The following EDIL3 variants were observed in gnomAD, a reference collection of about 807,000 sequenced individuals.
EDIL3 encodes EGF-like repeat and discoidin I-like domain-containing protein 3.
Under a neutral mutation model 67.4 loss-of-function variants are expected in EDIL3, and 37 were observed. The observed-to-expected ratio is 0.55, with a 90% CI of 0.42 to 0.72. The LOEUF (loss-of-function observed/expected upper bound fraction) is 0.72. Ranked by LOEUF, EDIL3 falls within the 30% of genes least tolerant of loss-of-function variation. EDIL3 has a pLI of 0.00. For synonymous variants in EDIL3, 195 were observed against 196.3 expected, an observed-to-expected ratio of 0.99 and a Z score of 0.05; for missense variants, 527 against 586.3, an observed-to-expected ratio of 0.90 and a Z score of 1.04.
Position 83,942,179 on chromosome 5 carries a change from CAAT to C in EDIL3, c.*1237_*1239del, listed in dbSNP as rs1281239494. ...GACATGTCAATGAAACCTCCAGTATCAATAACAAATTGTTATGATAATTGCTTA... is the reference window on the plus strand; with the variant it reads ...GACATGTCAATGAAACCTCCAGTATCAACAAATTGTTATGATAATTGCTTA... On this transcript the variant is annotated 3_prime_UTR_variant, in exon 11 of 11. Transcript: ENST00000296591. The C allele has an allele frequency of 6.6e-5, 10 of 151,974 alleles. No individual in the cohort carries two copies. Among genetic ancestry groups the C allele is most frequent in the African/African-American group, 2.4e-4 (10 of 41,422 alleles). 9.4% of individuals were successfully genotyped at this position (151,974 alleles called of 1,614,324 possible).
At chr5:84,372,935 C>A (rs1272599919) in intron 1 of EDIL3, among the ~76,000 whole-genome samples, 1 of 152,098 alleles carries the variant, frequency 6.6e-6, no homozygotes, top group Non-Finnish European at 1.5e-5. Flanking sequence ...AATTATATAT[C>A]TGCATTCTGC....
chr5:84,318,845 G>C (rs1269566591), intron 1 of EDIL3, among the ~76,000 whole-genome samples: 1 of 152,120 alleles, frequency 6.6e-6, no homozygotes. Flanking sequence ...CACAGGAAAA[G>C]AAACTATCAG....
intron 3 of EDIL3, among the ~76,000 whole-genome samples, chr5:84,223,732 C>T (rs1744395335): frequency 6.6e-6 from 1 of 151,124 alleles, no homozygotes; most frequent in Non-Finnish European, 1.5e-5. Flanking sequence ...TATTGTATTA[C>T]GTAATAGAAA....
intron 4 of EDIL3, among the ~76,000 whole-genome samples, chr5:84,145,577 A>G (rs1345385789): frequency 8.5e-5 from 13 of 152,252 alleles, no homozygotes; most frequent in South Asian, 6.2e-4. Context: ...TACTGGTATC[A>G]TTTTGGAAAA....
intron 9 of EDIL3, among the ~76,000 whole-genome samples, chr5:83,995,149 C>T (rs1580270470): frequency 1.1e-5 from 1 of 88,106 alleles, no homozygotes; most frequent in Non-Finnish European, 2.2e-5. Flanking sequence ...TACACACGCA[C>T]ACACACATAC....
intron 10 of EDIL3, among the ~76,000 whole-genome samples, chr5:83,960,131 A>G (rs1744581814): frequency 6.6e-6 from 1 of 150,970 alleles, no homozygotes; most frequent in African/African-American, 2.4e-5. Context: ...GCTTTTCTTC[A>G]TTATGCCTAA....
At chr5:84,293,803 T>C (rs558137757) in intron 1 of EDIL3, among the ~76,000 whole-genome samples, 9 of 151,586 alleles carry the variant, frequency 5.9e-5, no homozygotes, top group African/African-American at 1.9e-4. Context: ...GACCAAATGA[T>C]GTTATATGAG....
intron 1 of EDIL3, among the ~76,000 whole-genome samples, chr5:84,309,100 G>A (rs544834479): frequency 3.3e-5 from 5 of 152,186 alleles, no homozygotes; most frequent in East Asian, 1.9e-4. Context: ...TTGAGGACAC[G>A]ATTTTTAACT....
intron 1 of EDIL3, among the ~76,000 whole-genome samples, chr5:84,280,947 CAAAAAAAAAAAAA>C (rs11302104): frequency 1.4e-5 from 1 of 70,198 alleles, no homozygotes; most frequent in African/African-American, 6.2e-5. Flanking sequence ...AAGACTCTGT[CAAAAAAAAAAAAA>C]AAAAAAAAAA....
At chr5:84,299,679 T>C (rs1361951190) in intron 1 of EDIL3, among the ~76,000 whole-genome samples, 6 of 152,254 alleles carry the variant, frequency 3.9e-5, no homozygotes, top group Non-Finnish European at 2.9e-5. Flanking sequence ...TTTTCATATG[T>C]ACAAAGTTTC....
intron 9 of EDIL3, among the ~76,000 whole-genome samples, chr5:83,964,201 T>G (rs113796216): frequency 6.6e-6 from 1 of 152,008 alleles, no homozygotes; most frequent in African/African-American, 2.4e-5. Context: ...TTTCCCTTTT[T>G]TTCTTTAATT....
chr5:84,348,810 T>TATTTAAACTATTTAA (rs1747292945), intron 1 of EDIL3, among the ~76,000 whole-genome samples: 1 of 152,124 alleles, frequency 6.6e-6, no homozygotes, highest in African/African-American at 2.4e-5. Context: ...CTATTTAAAG[T>TATTTAAACTATTTAA]ACCATCAAAA....
rs55846123 is a variant in EDIL3 at position 84,274,449 on chromosome 5, G to T, written c.68-20237C>A. Among the ~76,000 whole-genome samples, 708 of 151,990 alleles carry T rather than the reference G, an allele frequency of 4.7e-3. 4 individuals are homozygous for T. Among genetic ancestry groups the T allele is most frequent in the African/African-American group, 0.016 (675 of 41,440 alleles). On this transcript the variant is annotated intron_variant, in intron 1 of 10. Transcript: ENST00000296591. Reference sequence around the variant, plus strand: ...ACTTTCAACATTTAACCTCTCTATGGTCACTATTTCCCAGTAACATTCTAG... The same window carrying T: ...ACTTTCAACATTTAACCTCTCTATGTTCACTATTTCCCAGTAACATTCTAG...
intron 1 of EDIL3, among the ~76,000 whole-genome samples, chr5:84,282,920 A>T (rs1262202041): frequency 1.3e-5 from 2 of 152,172 alleles, no homozygotes; most frequent in East Asian, 3.8e-4. Flanking sequence ...TCTGTTTCAC[A>T]CACTTTTTGA....
intron 8 of EDIL3, 89 bp downstream of exon 8, chr5:84,064,611 T>C (rs1173002070): frequency 6.9e-7 from 1 of 1,442,768 alleles, no homozygotes; most frequent in Non-Finnish European, 9.2e-7. Context: ...TCTATGGTTG[T>C]TGAATTTGTA....
intron 4 of EDIL3, among the ~76,000 whole-genome samples, chr5:84,165,447 C>T (rs958276107): frequency 5.3e-5 from 8 of 152,140 alleles, no homozygotes; most frequent in Non-Finnish European, 1.0e-4. Flanking sequence ...TTTCTCACAA[C>T]GGCAACTCTT....
At chr5:84,191,846 C>G (rs766733673) in intron 3 of EDIL3, among the ~76,000 whole-genome samples, 3 of 151,892 alleles carry the variant, frequency 2.0e-5, no homozygotes, top group Non-Finnish European at 4.4e-5. Context: ...TACAAAGGAG[C>G]TAAGTAAATA....
intron 1 of EDIL3, 119 bp from the exon 2 acceptor site, chr5:84,254,331 G>A: frequency 1.7e-6 from 2 of 1,146,842 alleles, no homozygotes; most frequent in Non-Finnish European, 2.4e-6. Context: ...GTAATATTAA[G>A]ATTCACACAT....
At chr5:84,018,093 G>A (rs1434618656) in intron 9 of EDIL3, among the ~76,000 whole-genome samples, 2 of 152,168 alleles carry the variant, frequency 1.3e-5, no homozygotes, top group Non-Finnish European at 2.9e-5. Context: ...CCTCAGCTCT[G>A]AAGTCTGGCT....
Sources: allele counts gnomAD v4.1 joint callset (sites outside exome capture counted in the v4.1 genomes callset), GRCh38; gene constraint gnomAD v4.1.1; transcripts MANE v1.5; gene names NCBI Gene and HGNC (gene_info 2026-07-23, HGNC 2026-07-21).